Variants in ADAM12 observed in about 807,000 individuals in gnomAD.
The protein encoded by ADAM12 is disintegrin and metalloproteinase domain-containing protein 12.
ADAM12 carries 70 observed loss-of-function variants against 106.4 expected under a neutral mutation model. The ratio of observed to expected loss-of-function variants is 0.66; its 90% CI spans 0.54 to 0.80. The LOEUF is 0.80. Among genes scored for constraint, ADAM12 ranks in the 30% least tolerant of loss-of-function variants. The probability of loss-of-function intolerance (pLI) is 0.00; values close to 1 mark genes in which losing one functional copy is unlikely to be tolerated. For missense variants in ADAM12, 1,010 were observed against 1,171.9 expected, an observed-to-expected ratio of 0.86 and a Z score of 2.02; for synonymous variants, 420 against 433.5, an observed-to-expected ratio of 0.97 and a Z score of 0.39.
chr10:126,368,632 G>T lies in ADAM12; in HGVS notation c.88+19426C>A, dbSNP rs527296666. 2.0e-5 allele frequency among the ~76,000 whole-genome samples: 3 copies of T among 148,806 alleles called. No individual in the cohort carries two copies. The South Asian group carries it at 6.4e-4, about 32-fold the overall frequency. ...AGTAAAACTTGTGATTTGCAAATCA[G>T]CCTGATGTAAGTTTGTTGTTGTTGT... On this transcript the variant is annotated intron_variant, in intron 1 of 22. Coordinates refer to ENST00000448723, the MANE Select transcript of ADAM12 (RefSeq NM_001288973.2).
chr10:126,030,888 G>A (rs1451008437), intron 21 of ADAM12, among the ~76,000 whole-genome samples: 3 of 152,202 alleles, frequency 2.0e-5, no homozygotes, highest in South Asian at 4.1e-4. Flanking sequence ...TGGCGCCATG[G>A]AGAATGACAC....
intron 6 of ADAM12, 139 bp from the exon 7 acceptor site, chr10:126,109,979 T>C: frequency 1.5e-6 from 1 of 659,512 alleles, no homozygotes; most frequent in South Asian, 3.8e-5. Flanking sequence ...CCATTCCATC[T>C]AGAAGTTTAC....
rs908498663 is a variant in ADAM12, at chr10:126,313,823, C to T, written c.186+16589G>A. The stretch of plus-strand genomic sequence containing the variant: ...TTAAGGCTGAAAGGCAGACATTAAA[C>T]GAGGACATAAACAGATAAAGAAAAT... On this transcript the variant is annotated intron_variant, in intron 2 of 22. Transcript: ENST00000448723. Among the ~76,000 whole-genome samples the T allele has an allele frequency of 6.6e-5, 10 of 152,020 alleles. No individual in the cohort carries two copies. The South Asian group carries it at 1.2e-3, about 19-fold the overall frequency.
intron 18 of ADAM12, among the ~76,000 whole-genome samples, chr10:126,042,514 A>G (rs1446583669): frequency 6.6e-6 from 1 of 152,188 alleles, no homozygotes; most frequent in Non-Finnish European, 1.5e-5. Flanking sequence ...TCAGAGTTGT[A>G]TAAGGAGGGG....
At chr10:126,219,906 C>T (rs1158213375) in intron 3 of ADAM12, among the ~76,000 whole-genome samples, 3 of 152,186 alleles carry the variant, frequency 2.0e-5, no homozygotes, top group Non-Finnish European at 4.4e-5. Flanking sequence ...GGGAATCTAC[C>T]TGAATCATAT....
At chr10:126,178,230 T>C (rs1957253167) in intron 3 of ADAM12, among the ~76,000 whole-genome samples, 1 of 151,882 alleles carries the variant, frequency 6.6e-6, no homozygotes, top group South Asian at 2.1e-4. Context: ...AAAATCCCCA[T>C]ATTGTAGTTA....
chr10:126,346,860 T>C (rs543379345), intron 1 of ADAM12, among the ~76,000 whole-genome samples: 19 of 152,306 alleles, frequency 1.2e-4, no homozygotes, highest in African/African-American at 4.6e-4. Context: ...CCTTTCTTTG[T>C]TTTCCATTTG....
chr10:126,148,952 G>A (rs1233174233), intron 4 of ADAM12, among the ~76,000 whole-genome samples: 1 of 152,134 alleles, frequency 6.6e-6, no homozygotes, highest in Non-Finnish European at 1.5e-5. Flanking sequence ...GGAGGGGCAA[G>A]TCTCACCCAC....
chr10:126,064,872 C>T lies in ADAM12; in HGVS notation c.1543G>A (p.Asp515Asn), dbSNP rs144492938. 16 of 1,612,624 alleles carry T rather than the reference C, an allele frequency of 9.9e-6. No homozygotes were observed. The highest frequency in any genetic ancestry group is 1.3e-5 in the African/African-American group (1 of 74,882). ...LHDGHSCQDVDGYCYNGICQT... is the reference protein window; with the variant it reads ...LHDGHSCQDVNGYCYNGICQT... ...CAGATGCCATTGTAGCAGTAGCCGT[C>T]CACATCCTGACATGAGTGCCCATCG... The change falls in exon 14 of 23, where the codon GAC becomes AAC. Residue 515 changes from aspartate (D) to asparagine (N), a missense_variant. Physicochemically the swap from Asp to Asn is conservative, Grantham distance 23. Transcript: ENST00000448723. The surrounding 1 kb of genome is among the most constrained non-coding windows in gnomAD (Gnocchi z 4.4).
chr10:126,130,889 T>C (rs1956292035), intron 5 of ADAM12, among the ~76,000 whole-genome samples: 1 of 152,216 alleles, frequency 6.6e-6, no homozygotes, highest in African/African-American at 2.4e-5. Flanking sequence ...TTTATTAAGG[T>C]AAATAGGAGC....
intron 18 of ADAM12, chr10:126,041,542 C>A: frequency 9.1e-6 from 9 of 985,840 alleles, no homozygotes; most frequent in Non-Finnish European, 9.6e-6. Context: ...AGTTCACCGC[C>A]CTTTCTCCTA....
chr10:126,051,647 AGCCAGCCG>A (rs1304135707), intron 14 of ADAM12, among the ~76,000 whole-genome samples: 5 of 151,674 alleles, frequency 3.3e-5, no homozygotes, highest in Admixed American at 6.6e-5. Context: ...CCATCCAGCC[AGCCAGCCG>A]GCCACCCATC....
At position 126,019,836 on chromosome 10, in the gene ADAM12, C is replaced by A; in HGVS notation, c.2530-11G>T. On this transcript the variant is annotated splice_polypyrimidine_tract_variant and intron_variant, in intron 21 of 22. Coordinates refer to ENST00000448723, the MANE Select transcript of ADAM12 (RefSeq NM_001288973.2). ...TGGCTTACAGGTCCCCTGCAATAAA[C>A]ATAGGGTTAGGCAGGGTCACTTACC... The A allele has an allele frequency of 1.2e-6, 2 of 1,610,536 alleles. No homozygotes were observed.
At chr10:126,060,458 G>A (rs1322706701) in intron 14 of ADAM12, among the ~76,000 whole-genome samples, 1 of 152,154 alleles carries the variant, frequency 6.6e-6, no homozygotes, top group Non-Finnish European at 1.5e-5. Flanking sequence ...AGGGCCGGTG[G>A]GGCAAGGACT....
intron 12 of ADAM12, 200 bp from the exon 13 acceptor site, chr10:126,067,006 G>C: frequency 3.7e-6 from 2 of 545,008 alleles, no homozygotes; most frequent in Non-Finnish European, 6.7e-6. Flanking sequence ...ACGAGTCCCT[G>C]GAAAAAGCCA....
Position 126,071,627 on chromosome 10 carries a change from A to G in ADAM12, c.1173T>C (p.Ser391=). 1.2e-6 allele frequency: 2 copies of G among 1,614,030 alleles called. No individual in the cohort carries two copies. The change falls in exon 12 of 23, where the codon AGT becomes AGC. Residue 391 remains serine (S), a synonymous_variant. Transcript: ENST00000448723. ...TGYPFPMVFS[S]CSRKDLETSL... is the part of the protein sequence containing the mutation. Reference sequence around the variant, plus strand: ...TGGTCTCCAAGTCCTTCCTGCTGCAACTGCTGAACACCATGGGAAATGGGT... The same window carrying G: ...TGGTCTCCAAGTCCTTCCTGCTGCAGCTGCTGAACACCATGGGAAATGGGT...
chr10:126,143,720 A>T (rs1956571224), intron 4 of ADAM12, among the ~76,000 whole-genome samples: 1 of 151,552 alleles, frequency 6.6e-6, no homozygotes, highest in African/African-American at 2.4e-5. Context: ...GTGTGTGGGT[A>T]TGCATGTGTA....
chr10:126,171,524 T>C lies in ADAM12; in HGVS notation c.261-16219A>G, dbSNP rs1410091496. ...TGCATTTTTAAAAAGCTGCTGGCAT[T>C]AGGCAACAAGCAATCTTACAGCACT... On this transcript the variant is annotated intron_variant, in intron 3 of 22. Transcript: ENST00000448723. Among the ~76,000 whole-genome samples, 4 of 152,336 alleles carry C rather than the reference T, an allele frequency of 2.6e-5. No homozygotes were observed. In the South Asian group the frequency reaches 6.2e-4, roughly 24 times the overall value.
chr10:126,034,063 G>T (rs1954015780), intron 21 of ADAM12, among the ~76,000 whole-genome samples: 1 of 152,162 alleles, frequency 6.6e-6, no homozygotes, highest in Non-Finnish European at 1.5e-5. Context: ...ACACATAAAG[G>T]TAGTATTTAA....
Sources: allele counts gnomAD v4.1 joint callset (sites outside exome capture counted in the v4.1 genomes callset), GRCh38; gene constraint gnomAD v4.1.1; non-coding constraint Gnocchi (gnomAD v3.1); transcripts MANE v1.5; gene names NCBI Gene and HGNC (gene_info 2026-07-23, HGNC 2026-07-21).